Variants in LEKR1 observed in about 807,000 individuals in gnomAD.
LEKR1 encodes protein LEKR1.
LEKR1 carries 59 observed loss-of-function variants against 72.4 expected under a neutral mutation model. That is an observed-to-expected ratio of 0.82 (90% CI 0.66 to 1.01). The LOEUF (loss-of-function observed/expected upper bound fraction) is 1.01. LEKR1 is among the 50% of genes least tolerant of loss of function. The probability of loss-of-function intolerance (pLI) is 0.00; values close to 1 mark genes in which losing one functional copy is unlikely to be tolerated. For synonymous variants in LEKR1, 257 were observed against 263.2 expected (o/e 0.98, Z 0.23); for missense variants, 728 against 759.2 (o/e 0.96, Z 0.48).
intron 3 of LEKR1, among the ~76,000 whole-genome samples, chr3:156,892,567 G>A (rs1319996256): frequency 6.6e-6 from 1 of 152,170 alleles, no homozygotes; most frequent in Admixed American, 6.5e-5. Flanking sequence ...GAATTAACCA[G>A]AATATGCCAT....
At chr3:157,035,500 C>T (rs2108042956) in intron 12 of LEKR1, among the ~76,000 whole-genome samples, 1 of 152,266 alleles carries the variant, frequency 6.6e-6, no homozygotes, top group South Asian at 2.1e-4. Context: ...CTTCCCAGTA[C>T]CCTTCACACT....
chr3:156,991,232 A>G (rs1365901136), intron 7 of LEKR1, among the ~76,000 whole-genome samples: 1 of 152,122 alleles, frequency 6.6e-6, no homozygotes, highest in African/African-American at 2.4e-5. Flanking sequence ...AGGGACAAAA[A>G]GGACTTCTAG....
At chr3:156,878,909 T>A (rs1042306067) in intron 3 of LEKR1, among the ~76,000 whole-genome samples, 1 of 152,242 alleles carries the variant, frequency 6.6e-6, no homozygotes, top group African/African-American at 2.4e-5. Flanking sequence ...TCATTCTCTC[T>A]TGTCTGCTGC....
intron 4 of LEKR1, among the ~76,000 whole-genome samples, chr3:156,925,447 A>G (rs1434042818): frequency 6.6e-6 from 1 of 151,774 alleles, no homozygotes; most frequent in African/African-American, 2.4e-5. Context: ...CTTCATACCT[A>G]CTTCCAGGTT....
intron 3 of LEKR1, among the ~76,000 whole-genome samples, chr3:156,897,864 A>G (rs572107351): frequency 1.7e-4 from 26 of 152,108 alleles, no homozygotes; most frequent in African/African-American, 6.3e-4. Flanking sequence ...AAGGCAGGAG[A>G]ATTGCTTGAA....
chr3:157,037,636 TC>T (rs1008157754), intron 12 of LEKR1, among the ~76,000 whole-genome samples: 3 of 152,158 alleles, frequency 2.0e-5, no homozygotes, highest in African/African-American at 7.2e-5. Flanking sequence ...ATCCACAAAA[TC>T]CCAGAGGCAA....
At chr3:156,929,876 A>G (rs909217176) in intron 5 of LEKR1, among the ~76,000 whole-genome samples, 2 of 152,158 alleles carry the variant, frequency 1.3e-5, no homozygotes, top group Non-Finnish European at 2.9e-5. Context: ...ATACTTTATG[A>G]GGTGATAATA....
At chr3:157,009,884 C>T (rs1469810608) in intron 9 of LEKR1, among the ~76,000 whole-genome samples, 1 of 151,892 alleles carries the variant, frequency 6.6e-6, no homozygotes, top group Non-Finnish European at 1.5e-5. Context: ...CCATAATTAT[C>T]AACTATTCAT....
chr3:156,888,154 A>G (rs1720296403), intron 3 of LEKR1: 4 of 596,032 alleles, frequency 6.7e-6, no homozygotes, highest in South Asian at 6.2e-5. Context: ...GGAGGGCTCA[A>G]AGAAGGTAGC....
At chr3:156,833,095 GA>G (rs1712648087) in intron 2 of LEKR1, among the ~76,000 whole-genome samples, 1 of 152,134 alleles carries the variant, frequency 6.6e-6, no homozygotes, top group Non-Finnish European at 1.5e-5. Context: ...AGCTCAAAAG[GA>G]AAGTTGTTAT....
At chr3:157,004,674 T>C (rs1732274480) in intron 9 of LEKR1, among the ~76,000 whole-genome samples, 1 of 152,038 alleles carries the variant, frequency 6.6e-6, no homozygotes, top group Non-Finnish European at 1.5e-5. Flanking sequence ...ATACAGAAAA[T>C]TATCTTGACA....
intron 5 of LEKR1, among the ~76,000 whole-genome samples, chr3:156,932,061 G>C (rs1399294309): frequency 1.3e-5 from 2 of 152,120 alleles, no homozygotes; most frequent in Non-Finnish European, 2.9e-5. Context: ...GTGTATTTAT[G>C]TCTGTAACTC....
chr3:156,995,983 C>G (rs931777660), intron 9 of LEKR1, among the ~76,000 whole-genome samples: 1 of 152,106 alleles, frequency 6.6e-6, no homozygotes, highest in Non-Finnish European at 1.5e-5. Context: ...CTGCCCAGAG[C>G]CTGCCACACA....
intron 2 of LEKR1, among the ~76,000 whole-genome samples, chr3:156,842,114 A>G (rs1360912270): frequency 6.6e-6 from 1 of 152,222 alleles, no homozygotes; most frequent in African/African-American, 2.4e-5. Flanking sequence ...CCCCCAGTCC[A>G]TGGGAAAATT....
At chr3:156,968,590 C>A (rs1433128732) in intron 6 of LEKR1, among the ~76,000 whole-genome samples, 1 of 152,164 alleles carries the variant, frequency 6.6e-6, no homozygotes, top group Non-Finnish European at 1.5e-5. Context: ...AATATATATG[C>A]ACCCAATACA....
At chr3:156,874,674 A>C (rs2108548312) in intron 3 of LEKR1, among the ~76,000 whole-genome samples, 1 of 152,142 alleles carries the variant, frequency 6.6e-6, no homozygotes, top group East Asian at 1.9e-4. Flanking sequence ...TGTAGTCTTT[A>C]TCCCTCAAGT....
chr3:156,905,033 G>T (rs1265851172), intron 3 of LEKR1, among the ~76,000 whole-genome samples: 1 of 152,114 alleles, frequency 6.6e-6, no homozygotes, highest in African/African-American at 2.4e-5. Context: ...CATTGAGTCA[G>T]TCCAGTGCGG....
chr3:156,874,820 A>T (rs541861071), intron 3 of LEKR1, among the ~76,000 whole-genome samples: 1 of 152,348 alleles, frequency 6.6e-6, no homozygotes, highest in South Asian at 2.1e-4. Flanking sequence ...CTTCATTTAG[A>T]ATAATGGTCT....
intron 9 of LEKR1, among the ~76,000 whole-genome samples, chr3:157,011,208 CT>C (rs1325067419): frequency 6.6e-6 from 1 of 151,914 alleles, no homozygotes; most frequent in Non-Finnish European, 1.5e-5. Context: ...AAAATTAAGC[CT>C]GGGAAAAATA....
Sources: gnomAD v4.1 joint callset for allele counts (sites outside exome capture counted in the v4.1 genomes callset) on GRCh38, gnomAD v4.1.1 for gene constraint, MANE v1.5 for transcripts, NCBI Gene and HGNC (gene_info 2026-07-23, HGNC 2026-07-21) for gene names.